PDE1C: variants seen among roughly 807,000 people sequenced by gnomAD.
PDE1C encodes the protein phosphodiesterase 1C, also known as dual specificity calcium/calmodulin-dependent 3',5'-cyclic nucleotide phosphodiesterase 1C.
PDE1C carries 62 observed loss-of-function variants against 93.1 expected under a neutral mutation model. The observed-to-expected ratio is 0.67, with a 90% CI of 0.54 to 0.82. PDE1C has a LOEUF of 0.82. Ranked by LOEUF, PDE1C falls within the 40% of genes least tolerant of loss-of-function variation. The pLI, the probability that PDE1C is intolerant of heterozygous loss-of-function variation, is 0.00. For missense variants in PDE1C, 742 were observed against 884.6 expected (o/e 0.84, Z 2.04); for synonymous variants, 325 against 310.1 (o/e 1.05, Z -0.50).
chr7:31,806,386 T>C (rs1388272492), intron 16 of PDE1C, among the ~76,000 whole-genome samples: 1 of 152,006 alleles, frequency 6.6e-6, no homozygotes, highest in Admixed American at 6.6e-5. Context: ...CCACAAATCT[T>C]CCGATGCCAA....
intron 2 of PDE1C, among the ~76,000 whole-genome samples, chr7:32,008,592 G>T (rs1193069877): frequency 6.6e-6 from 1 of 152,152 alleles, no homozygotes; most frequent in Non-Finnish European, 1.5e-5. Context: ...ACCATGAACT[G>T]AAGGACACCT....
At chr7:31,735,896 C>G in the PDE1C span, among the ~76,000 whole-genome samples, 2 of 152,176 alleles carry the variant, frequency 1.3e-5, no homozygotes, top group African/African-American at 4.8e-5. Flanking sequence ...GCTCAAGTCT[C>G]TTATATAAAG....
At chr7:31,664,746 A>C in the PDE1C span, among the ~76,000 whole-genome samples, 6 of 152,344 alleles carry the variant, frequency 3.9e-5, no homozygotes, top group East Asian at 1.2e-3. Flanking sequence ...TTTTCAGATC[A>C]TGAGGATATC....
chr7:32,058,552 G>C lies in PDE1C; in HGVS notation c.102-6972C>G, dbSNP rs557798243. Among the ~76,000 whole-genome samples, 4 of 152,288 alleles carry C rather than the reference G, an allele frequency of 2.6e-5. No individual in the cohort carries two copies. In the East Asian group the frequency reaches 7.7e-4, roughly 29 times the overall value. On this transcript the variant is annotated intron_variant, in intron 1 of 17. Transcript: ENST00000396191. ...GGTTGGAAAGAATTGGATATCTCTA[G>C]AAACTTCTAATGGATCTCTTACATC...
intron 1 of PDE1C, among the ~76,000 whole-genome samples, chr7:32,333,595 G>T (rs1783553849): frequency 6.6e-6 from 1 of 152,074 alleles, no homozygotes; most frequent in African/African-American, 2.4e-5. Flanking sequence ...GCTGTGTAAT[G>T]AAAAAAACAC....
At chr7:31,629,989 AACAC>A in the PDE1C span, among the ~76,000 whole-genome samples, 4 of 152,182 alleles carry the variant, frequency 2.6e-5, no homozygotes, top group African/African-American at 4.8e-5. Flanking sequence ...AAAGAGAAGA[AACAC>A]ACACACACAA....
intron 1 of PDE1C, among the ~76,000 whole-genome samples, chr7:32,376,072 G>T (rs961451729): frequency 3.8e-4 from 58 of 152,062 alleles, no homozygotes; most frequent in African/African-American, 1.4e-3. Flanking sequence ...GAGGAGAATT[G>T]TTTGAACCCA....
chr7:32,043,839 C>T (rs1040922437), intron 2 of PDE1C, among the ~76,000 whole-genome samples: 1 of 152,228 alleles, frequency 6.6e-6, no homozygotes, highest in African/African-American at 2.4e-5. Flanking sequence ...GGCCTCTACA[C>T]CGGCCAGTGT....
intron 1 of PDE1C, among the ~76,000 whole-genome samples, chr7:32,276,487 A>AGTT (rs2128889943): frequency 6.6e-6 from 1 of 152,298 alleles, no homozygotes; most frequent in East Asian, 1.9e-4. Context: ...TAAATCCTAT[A>AGTT]GTTTAGAGAT....
At chr7:31,757,505 T>C (rs1478978822) in intron 17 of PDE1C, among the ~76,000 whole-genome samples, 1 of 152,164 alleles carries the variant, frequency 6.6e-6, no homozygotes, top group Non-Finnish European at 1.5e-5. Context: ...ACTAGACATC[T>C]CAGACAAGCC....
intron 2 of PDE1C, among the ~76,000 whole-genome samples, chr7:32,190,528 T>C (rs559474338): frequency 2.0e-3 from 298 of 152,344 alleles, no homozygotes; most frequent in Middle Eastern, 3.4e-3. Context: ...AAATTAATAA[T>C]GCATCTGAAT....
chr7:31,977,383 T>C (rs1383926047), intron 2 of PDE1C, among the ~76,000 whole-genome samples: 2 of 152,206 alleles, frequency 1.3e-5, no homozygotes, highest in Non-Finnish European at 2.9e-5. Flanking sequence ...AATAAACTTC[T>C]TTTCTTTATA....
chr7:32,133,447 A>G (rs936407268), intron 3 of PDE1C, among the ~76,000 whole-genome samples: 4 of 152,294 alleles, frequency 2.6e-5, no homozygotes, highest in African/African-American at 9.6e-5. Flanking sequence ...GAAGACACAA[A>G]TAGAAAGCCT....
chr7:32,414,090 G>A (rs1044114517), intron 1 of PDE1C, among the ~76,000 whole-genome samples: 2 of 151,846 alleles, frequency 1.3e-5, no homozygotes, highest in African/African-American at 4.8e-5. Flanking sequence ...GTGTGTGCCT[G>A]CAGTCTGAAC....
At chr7:32,161,413 C>A (rs1266387151) in intron 3 of PDE1C, among the ~76,000 whole-genome samples, 1 of 152,174 alleles carries the variant, frequency 6.6e-6, no homozygotes, top group East Asian at 1.9e-4. Flanking sequence ...CTTATTGGTG[C>A]TACCTTCACA....
chr7:31,686,502 C>T, the PDE1C span, among the ~76,000 whole-genome samples: 2 of 152,216 alleles, frequency 1.3e-5, no homozygotes, highest in East Asian at 1.9e-4. Flanking sequence ...GCTTTCTTTG[C>T]TATGTGCTGT....
the PDE1C span, among the ~76,000 whole-genome samples, chr7:31,637,702 T>C: frequency 2.0e-5 from 3 of 152,208 alleles, no homozygotes; most frequent in African/African-American, 7.2e-5. Flanking sequence ...TTCACTCTGA[T>C]GGTAGTTTCT....
intron 3 of PDE1C, among the ~76,000 whole-genome samples, chr7:32,120,623 G>A (rs1799244306): frequency 6.6e-6 from 1 of 152,052 alleles, no homozygotes; most frequent in South Asian, 2.1e-4. Flanking sequence ...CCCCAGTAAA[G>A]ACAGCAGCCC....
At chr7:32,299,152 C>G in exon 1 of PDE1C, 1 of 1,003,476 alleles carries the variant, frequency 1.0e-6, no homozygotes, top group Non-Finnish European at 1.2e-6. Flanking sequence ...CTTCTCCTTC[C>G]GTCTCTGGTG....
Sources: gnomAD v4.1 joint callset for allele counts (sites outside exome capture counted in the v4.1 genomes callset) on GRCh38, gnomAD v4.1.1 for gene constraint, MANE v1.5 for transcripts, NCBI Gene and HGNC (gene_info 2026-07-23, HGNC 2026-07-21) for gene names.